DZANK1: variants seen among roughly 807,000 people sequenced by gnomAD.
DZANK1 encodes double zinc ribbon and ankyrin repeat-containing protein 1.
DZANK1 carries 91 observed loss-of-function variants against 94.5 expected under a neutral mutation model. The observed-to-expected ratio is 0.96, with a 90% confidence interval of 0.81 to 1.15. DZANK1 has a LOEUF of 1.15. Ranked by LOEUF, DZANK1 falls within the 50% of genes most tolerant of loss-of-function variation. DZANK1 has a pLI of 0.00. For missense variants in DZANK1, 903 were observed against 916.4 expected (o/e 0.99, Z 0.19); for synonymous variants, 312 against 325.3 (o/e 0.96, Z 0.44).
At chr20:18,407,306 A>C (rs954637370) in intron 13 of DZANK1, among the ~76,000 whole-genome samples, 5 of 152,182 alleles carry the variant, frequency 3.3e-5, no homozygotes, top group African/African-American at 1.2e-4. Context: ...AATAACAAGA[A>C]TCTCTTCCTG....
At chr20:18,409,112 C>T (rs1292278859) in intron 13 of DZANK1, among the ~76,000 whole-genome samples, 1 of 152,062 alleles carries the variant, frequency 6.6e-6, no homozygotes, top group African/African-American at 2.4e-5. Flanking sequence ...ACCAAAATAT[C>T]TCACGTACCC....
At position 18,455,364 on chromosome 20, in the gene DZANK1, G is replaced by T. The variant is rs199852268; in HGVS notation, c.264-3C>A. Reference sequence around the variant, plus strand: ...CAATGCCACTCTGTCTGCAGTCTCTGAAAATTATTATTAAGAAAGGAAAAA... The same window carrying T: ...CAATGCCACTCTGTCTGCAGTCTCTTAAAATTATTATTAAGAAAGGAAAAA... On this transcript the variant is annotated splice_polypyrimidine_tract_variant and splice_region_variant and intron_variant, in intron 3 of 20. Coordinates refer to ENST00000262547, the Ensembl canonical transcript of DZANK1. 131 of 1,580,182 alleles carry T rather than the reference G, an allele frequency of 8.3e-5. No homozygotes were observed. The African/African-American group carries it at 1.5e-3, about 19-fold the overall frequency.
chr20:18,408,343 C>T (rs892772226), intron 13 of DZANK1, among the ~76,000 whole-genome samples: 1 of 151,940 alleles, frequency 6.6e-6, no homozygotes, highest in Non-Finnish European at 1.5e-5. Context: ...AACAAAAAAA[C>T]CAAATGGATA....
Position 18,448,974 on chromosome 20 carries a change from T to C in DZANK1, c.629+10A>G. 6.2e-7 allele frequency: 1 copy of C among 1,605,366 alleles called. No homozygotes were observed. The highest frequency in any genetic ancestry group is 2.2e-5 in the East Asian group (1 of 44,862). On this transcript the variant is annotated intron_variant, in intron 7 of 20. Coordinates refer to ENST00000262547, the Ensembl canonical transcript of DZANK1. The stretch of plus-strand genomic sequence containing the variant: ...GATTTAAGGCAGAGTAAAGAGAATG[T>C]GATACTTACTTGAGAAAGTCTGTCT...
intron 13 of DZANK1, among the ~76,000 whole-genome samples, chr20:18,409,989 C>T (rs972643078): frequency 8.3e-5 from 12 of 145,002 alleles, no homozygotes; most frequent in East Asian, 2.1e-4. Context: ...GTCGGGATCA[C>T]GCCACCGCAC....
At chr20:18,398,665 CCTGAGA>C in intron 13 of DZANK1, 39 bp from the exon 14 acceptor site, 1 of 1,575,182 alleles carries the variant, frequency 6.3e-7, no homozygotes, top group Non-Finnish European at 8.7e-7. Flanking sequence ...GGATGATTCT[CCTGAGA>C]CTAAGAAAGA....
chr20:18,384,275 T>G, exon 21 of DZANK1: 2 of 1,018,208 alleles, frequency 2.0e-6, no homozygotes, highest in Non-Finnish European at 1.4e-6. Context: ...GTCAGGCTGG[T>G]CTTGAACTCC....
rs189596930 is a variant in DZANK1 at position 18,462,906 on chromosome 20, C to T, written c.109+2344G>A. ...TGACCCAAGATTGCATCACTGCACT[C>T]CAGCCTGGGTGACAAAGTAAGACTC... is the stretch of plus-strand genomic sequence containing the variant. On this transcript the variant is annotated intron_variant, in intron 2 of 20. Coordinates refer to ENST00000262547, the Ensembl canonical transcript of DZANK1. Among the ~76,000 whole-genome samples, 368 of 148,048 alleles carry T rather than the reference C, an allele frequency of 2.5e-3. 6 individuals are homozygous for T. The highest frequency in any genetic ancestry group is 0.021 in the Admixed American group (312 of 14,746).
intron 10 of DZANK1, among the ~76,000 whole-genome samples, chr20:18,419,324 C>T (rs555627296): frequency 1.3e-5 from 2 of 149,688 alleles, no homozygotes; most frequent in East Asian, 3.9e-4. Context: ...AACAATTCAA[C>T]AGGTGTGTAC....
chr20:18,427,290 T>C, intron 9 of DZANK1, 131 bp from the exon 10 acceptor site: 1 of 592,396 alleles, frequency 1.7e-6, no homozygotes, highest in Non-Finnish European at 2.9e-6. Flanking sequence ...GAATACTGGA[T>C]TGGTTTAGGA....
chr20:18,398,255 T>G, intron 14 of DZANK1: 2 of 439,094 alleles, frequency 4.6e-6, no homozygotes, highest in Non-Finnish European at 8.4e-6. Context: ...TTCTGACTGT[T>G]AGAATTTCCA....
chr20:18,435,313 C>T (rs2058476223), intron 8 of DZANK1, among the ~76,000 whole-genome samples: 1 of 152,148 alleles, frequency 6.6e-6, no homozygotes, highest in African/African-American at 2.4e-5. Context: ...TGCTGCTCTA[C>T]TATTTACGAC....
At chr20:18,452,558 G>A (rs893050236) in intron 6 of DZANK1, 57 bp downstream of exon 6, 4 of 1,523,318 alleles carry the variant, frequency 2.6e-6, no homozygotes, top group Non-Finnish European at 3.5e-6. Context: ...TATTTCATGG[G>A]AGCATTAAAA....
chr20:18,438,218 CAAAAA>C (rs761846698), intron 8 of DZANK1, among the ~76,000 whole-genome samples: 13 of 57,750 alleles, frequency 2.3e-4, no homozygotes, highest in South Asian at 8.7e-4. Context: ...GACTCTGTCT[CAAAAA>C]AAAAAAAAAA....
intron 13 of DZANK1, among the ~76,000 whole-genome samples, chr20:18,406,085 C>A (rs1214071282): frequency 2.0e-5 from 3 of 152,248 alleles, no homozygotes; most frequent in Admixed American, 1.3e-4. Flanking sequence ...GGCCGAGGTG[C>A]TCTGGGATCA....
intron 9 of DZANK1, among the ~76,000 whole-genome samples, chr20:18,430,385 G>T (rs888688804): frequency 2.6e-5 from 4 of 152,176 alleles, no homozygotes; most frequent in Admixed American, 6.5e-5. Context: ...CCATAAACAT[G>T]ACTGAAGTCC....
chr20:18,459,565 T>G (rs554327334), intron 3 of DZANK1, among the ~76,000 whole-genome samples: 10 of 152,322 alleles, frequency 6.6e-5, no homozygotes, highest in East Asian at 1.9e-4. Context: ...TTGAGGTTTT[T>G]TTTTGTTTTG....
intron 2 of DZANK1, among the ~76,000 whole-genome samples, chr20:18,463,748 C>A (rs2059551852): frequency 6.6e-6 from 1 of 152,032 alleles, no homozygotes; most frequent in Non-Finnish European, 1.5e-5. Flanking sequence ...AGCTTTTAAG[C>A]TAAAGGAGAA....
chr20:18,409,580 ACAC>A (rs749422278), intron 13 of DZANK1, among the ~76,000 whole-genome samples: 23 of 138,254 alleles, frequency 1.7e-4, no homozygotes, highest in South Asian at 4.7e-4. Flanking sequence ...ACACACACAC[ACAC>A]CACCACCACC....
Sources: allele counts gnomAD v4.1 joint callset (sites outside exome capture counted in the v4.1 genomes callset), GRCh38; gene constraint gnomAD v4.1.1; transcripts MANE v1.5; gene names NCBI Gene and HGNC (gene_info 2026-07-23, HGNC 2026-07-21).